The following CACNA2D4 variants were observed in gnomAD, a reference collection of about 807,000 sequenced individuals.
The protein encoded by CACNA2D4 is voltage-dependent calcium channel subunit alpha-2/delta-4.
A neutral mutation model predicts 163.8 loss-of-function variants in CACNA2D4; 157 were observed. The observed-to-expected ratio is 0.96, with a 90% CI of 0.84 to 1.09. CACNA2D4 has a LOEUF of 1.09. Among genes scored for constraint, CACNA2D4 ranks in the 50% least tolerant of loss-of-function variants. The pLI, the probability that CACNA2D4 is intolerant of heterozygous loss-of-function variation, is 0.00. For synonymous variants in CACNA2D4, 598 were observed against 586.9 expected (o/e 1.02, Z -0.27); for missense variants, 1,410 against 1,479.9 (o/e 0.95, Z 0.78).
intron 18 of CACNA2D4, 98 bp from the exon 19 acceptor site, chr12:1,860,304 A>T: frequency 1.2e-6 from 1 of 848,502 alleles, no homozygotes; most frequent in South Asian, 1.4e-5. Flanking sequence ...TCGTCACTGT[A>T]CAGTCCCTCC....
intron 4 of CACNA2D4, among the ~76,000 whole-genome samples, chr12:1,908,910 C>T (rs1397059696): frequency 1.3e-5 from 2 of 152,066 alleles, no homozygotes; most frequent in Non-Finnish European, 2.9e-5. Context: ...ACGCCAACTC[C>T]CACGCCAGGT....
At chr12:1,865,285 C>G (rs549522861) in intron 18 of CACNA2D4, among the ~76,000 whole-genome samples, 1 of 152,354 alleles carries the variant, frequency 6.6e-6, no homozygotes, top group African/African-American at 2.4e-5. Context: ...ACCTGGGGGC[C>G]TTGATATCTG....
chr12:1,885,979 G>C lies in CACNA2D4; in HGVS notation c.1054C>G (p.Arg352Gly). The C allele has an allele frequency of 6.2e-7, 1 of 1,612,718 alleles. No homozygotes were observed. Among genetic ancestry groups the C allele is most frequent in the Non-Finnish European group, 8.5e-7 (1 of 1,179,024 alleles). The change falls in exon 9 of 38, where the codon CGA (arginine) becomes GGA (glycine). Residue 352 changes from arginine (R) to glycine (G), a missense_variant. Transcript: ENST00000382722. ...CFKGILVQAD[R>G]DNREHFKLLV... The stretch of plus-strand genomic sequence containing the variant: ...TGGACACTCACCTCTCGATTGTCTC[G>C]GTCCGCCTGGACGAGGATCCCTTTA...
intron 26 of CACNA2D4, among the ~76,000 whole-genome samples, chr12:1,817,631 G>A (rs1296238770): frequency 1.3e-5 from 2 of 152,208 alleles, no homozygotes; most frequent in African/African-American, 4.8e-5. Flanking sequence ...TTGCAGGCGT[G>A]CGCCGCCACG....
chr12:1,909,354 G>A lies in CACNA2D4; in HGVS notation c.486+552C>T, dbSNP rs192638096. ...CTACAAGCGCCTGCCACTACGCCCG[G>A]CTAAATTTTTTGCATTTTTTTAGTA... is the stretch of plus-strand genomic sequence containing the variant. On this transcript the variant is annotated intron_variant, in intron 4 of 37. Coordinates refer to ENST00000382722, the MANE Select transcript of CACNA2D4 (RefSeq NM_172364.5). Among the ~76,000 whole-genome samples the A allele has an allele frequency of 5.5e-3, 842 of 152,294 alleles. 4 individuals are homozygous for A. Among genetic ancestry groups the A allele is most frequent in the African/African-American group, 0.018 (768 of 41,572 alleles).
In CACNA2D4 at chr12:1,887,001, G is replaced by C; in HGVS notation, c.842+8C>G. 6.3e-7 allele frequency: 1 copy of C among 1,580,156 alleles called. No individual in the cohort carries two copies. The highest frequency in any genetic ancestry group is 8.6e-7 in the Non-Finnish European group (1 of 1,156,646). On this transcript the variant is annotated splice_region_variant and intron_variant, in intron 7 of 37. Coordinates refer to ENST00000382722, the MANE Select transcript of CACNA2D4 (RefSeq NM_172364.5). ...CGGGCCGCAAACCTTTCCCCTGTGA[G>C]CTCTTACCAGCCGCGGTTTCGGCAG...
chr12:1,898,800 G>C (rs1423480025), intron 6 of CACNA2D4, among the ~76,000 whole-genome samples: 1 of 152,064 alleles, frequency 6.6e-6, no homozygotes, highest in Non-Finnish European at 1.5e-5. Context: ...GACCTTAAGG[G>C]CATTATGCTA....
intron 26 of CACNA2D4, among the ~76,000 whole-genome samples, chr12:1,824,241 A>G (rs1036319840): frequency 2.0e-5 from 3 of 152,148 alleles, no homozygotes; most frequent in African/African-American, 7.2e-5. Flanking sequence ...ATCAAACTCA[A>G]ATATGCATGA....
chr12:1,899,685 A>C (rs1866492759), intron 6 of CACNA2D4, among the ~76,000 whole-genome samples: 1 of 152,188 alleles, frequency 6.6e-6, no homozygotes, highest in Admixed American at 6.5e-5. Flanking sequence ...TATAGATGAA[A>C]TCTATCAAGC....
chr12:1,849,394 T>C (rs554345986), intron 23 of CACNA2D4, among the ~76,000 whole-genome samples: 1 of 152,222 alleles, frequency 6.6e-6, no homozygotes, highest in African/African-American at 2.4e-5. Flanking sequence ...AGAATAACAA[T>C]GCCAATACTA....
At chr12:1,793,806 C>T (rs1863040109) in intron 37 of CACNA2D4, 47 bp from the exon 38 acceptor site, 1 of 1,505,738 alleles carries the variant, frequency 6.6e-7, no homozygotes, top group Non-Finnish European at 9.2e-7. Flanking sequence ...AGAGGAGGAC[C>T]CTCAAAAAGG....
At chr12:1,795,136 C>T (rs929522048) in intron 37 of CACNA2D4, 163 bp downstream of exon 37, 6 of 614,630 alleles carry the variant, frequency 9.8e-6, no homozygotes, top group African/African-American at 5.5e-5. Context: ...CTTATTATAT[C>T]ACAGTGTCAC....
In CACNA2D4 at chr12:1,828,614, T is replaced by C. The variant is rs908500558; in HGVS notation, c.2551+12125A>G. 1.3e-5 allele frequency among the ~76,000 whole-genome samples: 2 copies of C among 152,176 alleles called. No homozygotes were observed. Among genetic ancestry groups the C allele is most frequent in the South Asian group, 4.1e-4 (2 of 4,830 alleles). The stretch of plus-strand genomic sequence containing the variant: ...CACAGACTGCGGCGAGCCCTTTTGC[T>C]CCCGTGGGGAACTGCCCCCTTGGCT... On this transcript the variant is annotated intron_variant, in intron 26 of 37. Coordinates refer to ENST00000382722, the MANE Select transcript of CACNA2D4 (RefSeq NM_172364.5). This position sits in a 1 kb window ranked among gnomAD's most constrained non-coding sequence, Gnocchi z 4.2.
chr12:1,870,784 T>C (rs1278215758), intron 18 of CACNA2D4, among the ~76,000 whole-genome samples: 1 of 151,984 alleles, frequency 6.6e-6, no homozygotes, highest in Non-Finnish European at 1.5e-5. Flanking sequence ...GTGAATTCTG[T>C]TAACAGAAAG....
rs1866880381 is a variant in CACNA2D4 at position 1,913,267 on chromosome 12, G to A, written c.310-128C>T. 4 of 698,820 alleles carry A rather than the reference G, an allele frequency of 5.7e-6. No individual in the cohort carries two copies. The East Asian group carries it at 8.1e-5, about 14-fold the overall frequency. 43.3% of individuals were successfully genotyped at this position (698,820 alleles called of 1,614,324 possible). On this transcript the variant is annotated intron_variant, in intron 2 of 37. Transcript: ENST00000382722. ...ACATGGAGCCTGGTTTACTCAACTA[G>A]GGTGAGGCCCAGCCCTCTCCTCCCT... is the stretch of plus-strand genomic sequence containing the variant.
chr12:1,795,176 A>G (rs777799109), intron 37 of CACNA2D4, 123 bp downstream of exon 37: 3 of 757,176 alleles, frequency 4.0e-6, no homozygotes, highest in South Asian at 1.6e-5. Flanking sequence ...TTCCCCCGAG[A>G]AGCACAGGCA....
chr12:1,795,852 T>C (rs1208796758), intron 35 of CACNA2D4, 72 bp from the exon 36 acceptor site: 15 of 993,376 alleles, frequency 1.5e-5, no homozygotes, highest in Non-Finnish European at 2.3e-5. Flanking sequence ...AAGGAACTTC[T>C]GGAGACTTTA....
rs1393316652 is a variant in CACNA2D4 at position 1,834,303 on chromosome 12, A to G, written c.2551+6436T>C. 4.4e-6 allele frequency: 7 copies of G among 1,602,988 alleles called. No homozygotes were observed. The highest frequency in any genetic ancestry group is 6.0e-6 in the Non-Finnish European group (7 of 1,173,648). On this transcript the variant is annotated intron_variant, in intron 26 of 37. Coordinates refer to ENST00000382722, the MANE Select transcript of CACNA2D4 (RefSeq NM_172364.5). The surrounding 1 kb of genome is among the most constrained non-coding windows in gnomAD (Gnocchi z 7.6). Reference sequence around the variant, plus strand: ...GACCAGCTTGCCTGCACCCTGCCCAAGGAGCTGAGGGGGAAGGACATGCGG... The same window carrying G: ...GACCAGCTTGCCTGCACCCTGCCCAGGGAGCTGAGGGGGAAGGACATGCGG...
Position 1,798,684 on chromosome 12 carries a change from C to G in CACNA2D4, c.2995+991G>C, listed in dbSNP as rs963406950. 3.3e-5 allele frequency among the ~76,000 whole-genome samples: 5 copies of G among 152,162 alleles called. No individual in the cohort carries two copies. The highest frequency in any genetic ancestry group is 1.2e-4 in the African/African-American group (5 of 41,440). ...TGGGGACACTGACATCTGTGTAGGC[C>G]AGACCAGGGGGAGGAGCTCCAGGGG... On this transcript the variant is annotated intron_variant, in intron 34 of 37. Transcript: ENST00000382722. This position sits in a 1 kb window ranked among gnomAD's most constrained non-coding sequence, Gnocchi z 4.3.
Sources: gnomAD v4.1 joint callset for allele counts (sites outside exome capture counted in the v4.1 genomes callset) on GRCh38, gnomAD v4.1.1 for gene constraint, Gnocchi (gnomAD v3.1) non-coding constraint, MANE v1.5 for transcripts, NCBI Gene and HGNC (gene_info 2026-07-23, HGNC 2026-07-21) for gene names.